CHST11: variants seen among roughly 807,000 people sequenced by gnomAD.
The protein encoded by CHST11 is C4S-1.
A neutral mutation model predicts 30.4 loss-of-function variants in CHST11; 9 were observed. That is an observed-to-expected ratio of 0.30 (90% CI 0.18 to 0.52). The LOEUF is 0.52. CHST11 is among the 20% of genes least tolerant of loss of function. The pLI, the probability that CHST11 is intolerant of heterozygous loss-of-function variation, is 0.97. For synonymous variants in CHST11, 152 were observed against 187.8 expected (o/e 0.81, Z 1.56); for missense variants, 348 against 460.6 (o/e 0.76, Z 2.24).
chr12:104,513,481 T>C (rs1276042983), intron 1 of CHST11, among the ~76,000 whole-genome samples: 1 of 152,196 alleles, frequency 6.6e-6, no homozygotes, highest in Non-Finnish European at 1.5e-5. Flanking sequence ...TACTAACATA[T>C]AACCTTTGTG....
chr12:104,672,385 A>T (rs568896867), intron 2 of CHST11, among the ~76,000 whole-genome samples: 1 of 152,350 alleles, frequency 6.6e-6, no homozygotes, highest in East Asian at 1.9e-4. Context: ...AGGAGCAGAT[A>T]GCTCCAGAAA....
intron 1 of CHST11, among the ~76,000 whole-genome samples, chr12:104,505,339 C>A (rs576023991): frequency 6.6e-6 from 1 of 152,136 alleles, no homozygotes; most frequent in African/African-American, 2.4e-5. Flanking sequence ...CCCACACCCC[C>A]CCAGCAGAGA....
Position 104,729,853 on chromosome 12 carries a change from G to A in CHST11, c.205-27096G>A, listed in dbSNP as rs1219215596. The stretch of plus-strand genomic sequence containing the variant: ...GGCCATCTGGATGGGGGAGCCCCTG[G>A]TGAGCAAGGTCCACCAGGTGGGAGG... On this transcript the variant is annotated intron_variant, in intron 2 of 2. Coordinates refer to ENST00000303694, the MANE Select transcript of CHST11 (RefSeq NM_018413.6). The surrounding 1 kb of genome is among the most constrained non-coding windows in gnomAD (Gnocchi z 4.0). Among the ~76,000 whole-genome samples the A allele has an allele frequency of 6.6e-6, 1 of 152,200 alleles. No individual in the cohort carries two copies. The highest frequency in any genetic ancestry group is 2.4e-5 in the African/African-American group (1 of 41,442).
chr12:104,654,866 T>C (rs964970947), intron 2 of CHST11, among the ~76,000 whole-genome samples: 3 of 152,132 alleles, frequency 2.0e-5, no homozygotes, highest in African/African-American at 7.2e-5. Flanking sequence ...TATGAAGTCA[T>C]CACCAGGCCG....
At chr12:104,637,302 TAAAAAAAAAAAAAAAAAA>T (rs10622882) in intron 2 of CHST11, among the ~76,000 whole-genome samples, 2 of 62,594 alleles carry the variant, frequency 3.2e-5, no homozygotes, top group Non-Finnish European at 5.4e-5. Context: ...TGAGACCCTG[TAAAAAAAAAAAAAAAAAA>T]AAAAAAAAAA....
At chr12:104,641,620 A>ATGAG (rs1395683014) in intron 2 of CHST11, among the ~76,000 whole-genome samples, 6 of 152,186 alleles carry the variant, frequency 3.9e-5, no homozygotes, top group Non-Finnish European at 8.8e-5. Context: ...GGGTTAAGGT[A>ATGAG]TGAGTGTATG....
At chr12:104,731,093 T>C (rs576526880) in intron 2 of CHST11, among the ~76,000 whole-genome samples, 1 of 152,244 alleles carries the variant, frequency 6.6e-6, no homozygotes, top group African/African-American at 2.4e-5. Flanking sequence ...CCATTTCATC[T>C]TGTTTATCTG....
At chr12:104,666,379 C>T (rs919618431) in intron 2 of CHST11, among the ~76,000 whole-genome samples, 3 of 152,256 alleles carry the variant, frequency 2.0e-5, no homozygotes, top group Non-Finnish European at 4.4e-5. Context: ...AAATGCAATA[C>T]AGAAGATTGG....
chr12:104,471,013 TG>T lies in CHST11; in HGVS notation c.118+13488del, dbSNP rs144720731. Among the ~76,000 whole-genome samples the T allele has an allele frequency of 8.0e-3, 1,218 of 152,298 alleles. 15 individuals are homozygous for T. The highest frequency in any genetic ancestry group is 0.028 in the African/African-American group (1,157 of 41,558). On this transcript the variant is annotated intron_variant, in intron 1 of 2. Coordinates refer to ENST00000303694, the MANE Select transcript of CHST11 (RefSeq NM_018413.6). ...GGTGAGCTCATCCTCTCTTGGGGCC[TG>T]GGGTATCATCTGTGTTTAGATGACG...
At chr12:104,668,289 T>G (rs1487814807) in intron 2 of CHST11, among the ~76,000 whole-genome samples, 1 of 152,152 alleles carries the variant, frequency 6.6e-6, no homozygotes, top group Non-Finnish European at 1.5e-5. Flanking sequence ...GGTGAGCACA[T>G]GATACATGTT....
chr12:104,570,993 C>T (rs2038618961), intron 1 of CHST11, among the ~76,000 whole-genome samples: 2 of 151,900 alleles, frequency 1.3e-5, no homozygotes, highest in Admixed American at 1.3e-4. Flanking sequence ...ACCCAGCGCA[C>T]TGTGCTTTTC....
In CHST11 at chr12:104,759,642, C is replaced by CT. The variant is rs1474498206; in HGVS notation, c.*1840dup. The CT allele has an allele frequency of 6.6e-6, 1 of 152,184 alleles. No individual in the cohort carries two copies. 9.4% of individuals were successfully genotyped at this position (152,184 alleles called of 1,614,324 possible). ...GCTCAGTGGGCAGCAGCTGCAACATCTCACCGGGGAAATTATTTTATTTAA... is the reference window on the plus strand; with the variant it reads ...GCTCAGTGGGCAGCAGCTGCAACATCTTCACCGGGGAAATTATTTTATTTAA... On this transcript the variant is annotated 3_prime_UTR_variant, in exon 3 of 3. Coordinates refer to ENST00000303694, the MANE Select transcript of CHST11 (RefSeq NM_018413.6).
At chr12:104,474,038 G>A (rs990092177) in intron 1 of CHST11, among the ~76,000 whole-genome samples, 1 of 152,040 alleles carries the variant, frequency 6.6e-6, no homozygotes, top group African/African-American at 2.4e-5. Flanking sequence ...TGTTTTAAAG[G>A]GGGCATGTGG....
intron 1 of CHST11, among the ~76,000 whole-genome samples, chr12:104,522,171 C>G (rs181695618): frequency 7.9e-5 from 12 of 152,300 alleles, no homozygotes; most frequent in African/African-American, 2.9e-4. Flanking sequence ...CTCTTTTTCT[C>G]AGAAGGGGAT....
intron 2 of CHST11, among the ~76,000 whole-genome samples, chr12:104,744,694 G>A (rs1070316): frequency 0.72 from 108,799 of 151,934 alleles, 39,170 homozygotes; most frequent in African/African-American, 0.78. Context: ...TATGTCCTGA[G>A]TGGGATCGCC....
chr12:104,557,165 G>C (rs2036834), intron 1 of CHST11, among the ~76,000 whole-genome samples: 1 of 151,848 alleles, frequency 6.6e-6, no homozygotes, highest in African/African-American at 2.4e-5. Context: ...TTTCTTTTTC[G>C]GGGACAAAAT....
intron 1 of CHST11, among the ~76,000 whole-genome samples, chr12:104,558,321 C>T (rs1267822216): frequency 6.6e-6 from 1 of 152,092 alleles, no homozygotes; most frequent in Non-Finnish European, 1.5e-5. Context: ...TGGCTGTCTC[C>T]TAGGCCCCTT....
chr12:104,739,062 G>A (rs1425647408), intron 2 of CHST11, among the ~76,000 whole-genome samples: 1 of 152,208 alleles, frequency 6.6e-6, no homozygotes, highest in Non-Finnish European at 1.5e-5. Flanking sequence ...CCAGGGCAAA[G>A]CGGGACCTGC....
intron 1 of CHST11, among the ~76,000 whole-genome samples, chr12:104,484,988 G>C (rs2037662683): frequency 6.6e-6 from 1 of 152,154 alleles, no homozygotes. Context: ...TAAATTCTCT[G>C]GACTGTCTAT....
Sources: gnomAD v4.1 joint callset for allele counts (sites outside exome capture counted in the v4.1 genomes callset) on GRCh38, gnomAD v4.1.1 for gene constraint, Gnocchi (gnomAD v3.1) non-coding constraint, MANE v1.5 for transcripts, NCBI Gene and HGNC (gene_info 2026-07-23, HGNC 2026-07-21) for gene names.